Variants in FBXL7 observed in about 807,000 individuals in gnomAD.
FBXL7 encodes F-box/LRR-repeat protein 7.
Under a neutral mutation model 38.3 loss-of-function variants are expected in FBXL7, and 12 were observed. The observed-to-expected ratio is 0.31, with a 90% CI of 0.20 to 0.51. The LOEUF (loss-of-function observed/expected upper bound fraction) is 0.51. Ranked by LOEUF, FBXL7 falls within the 20% of genes least tolerant of loss-of-function variation. The pLI is 0.98. For missense variants in FBXL7, 567 were observed against 676.4 expected (o/e 0.84, Z 1.79); for synonymous variants, 297 against 300.9 (o/e 0.99, Z 0.13).
At chr5:15,744,070 G>C (rs1420425695) in intron 2 of FBXL7, among the ~76,000 whole-genome samples, 1 of 152,228 alleles carries the variant, frequency 6.6e-6, no homozygotes, top group Non-Finnish European at 1.5e-5. Context: ...GAAGGGAGGG[G>C]CTGCTGTGAA....
intron 2 of FBXL7, among the ~76,000 whole-genome samples, chr5:15,676,068 G>A (rs1298510135): frequency 6.6e-6 from 1 of 152,030 alleles, no homozygotes; most frequent in Non-Finnish European, 1.5e-5. Context: ...CCCGCTTCCT[G>A]GATCTCCTCT....
intron 1 of FBXL7, among the ~76,000 whole-genome samples, chr5:15,516,930 T>C (rs1736956921): frequency 6.6e-6 from 1 of 152,222 alleles, no homozygotes; most frequent in Non-Finnish European, 1.5e-5. Flanking sequence ...CTCTTTCCTT[T>C]ATAAATTACC....
At chr5:15,569,433 T>C (rs549392438) in intron 1 of FBXL7, among the ~76,000 whole-genome samples, 2 of 151,366 alleles carry the variant, frequency 1.3e-5, no homozygotes, top group African/African-American at 4.9e-5. Flanking sequence ...TTTTTGCACA[T>C]TGATTTTGTA....
chr5:15,694,523 GAA>G lies in FBXL7; in HGVS notation c.127+78453_127+78454del, dbSNP rs766667147. ...TGTACCTTATAAATAGATTTTACTA[GAA>G]AGTGTTTTAATCCTTTAACTAGACC... On this transcript the variant is annotated intron_variant, in intron 2 of 3. Coordinates refer to ENST00000504595, the MANE Select transcript of FBXL7 (RefSeq NM_012304.5). Among the ~76,000 whole-genome samples the G allele has an allele frequency of 5.3e-5, 8 of 152,146 alleles. No individual in the cohort carries two copies. In the East Asian group the frequency reaches 1.2e-3, roughly 22 times the overall value.
At chr5:15,591,118 GA>G (rs1345249522) in intron 1 of FBXL7, among the ~76,000 whole-genome samples, 1 of 152,028 alleles carries the variant, frequency 6.6e-6, no homozygotes, top group African/African-American at 2.4e-5. Flanking sequence ...AGCAGATTGT[GA>G]CAGTTTTTCA....
chr5:15,753,314 G>A (rs962950220), intron 2 of FBXL7, among the ~76,000 whole-genome samples: 1 of 152,134 alleles, frequency 6.6e-6, no homozygotes, highest in Non-Finnish European at 1.5e-5. Context: ...ATCCAAATTG[G>A]CTCAAGGACG....
At chr5:15,707,744 T>C (rs1743735136) in intron 2 of FBXL7, among the ~76,000 whole-genome samples, 1 of 152,202 alleles carries the variant, frequency 6.6e-6, no homozygotes, top group Admixed American at 6.5e-5. Flanking sequence ...ATTTTGGGCA[T>C]AACCTCCTGA....
chr5:15,816,398 C>G (rs993326447), intron 2 of FBXL7, among the ~76,000 whole-genome samples: 1 of 152,058 alleles, frequency 6.6e-6, no homozygotes, highest in Non-Finnish European at 1.5e-5. Context: ...AATGGAAAAC[C>G]AAATACCCTA....
rs536474618 is a variant in FBXL7 at position 15,550,756 on chromosome 5, GA to G, written c.37+50047del. 8.6e-4 allele frequency among the ~76,000 whole-genome samples: 131 copies of G among 152,332 alleles called. 1 individual carries two copies. The highest frequency in any genetic ancestry group is 2.6e-3 in the African/African-American group (109 of 41,580). On this transcript the variant is annotated intron_variant, in intron 1 of 3. Coordinates refer to ENST00000504595, the MANE Select transcript of FBXL7 (RefSeq NM_012304.5). ...CCCAAGTTCTCCCAAACTCTTGGCTGAAAATGCCTTGCTCATTCCGGGACTG... is the reference window on the plus strand; with the variant it reads ...CCCAAGTTCTCCCAAACTCTTGGCTGAAATGCCTTGCTCATTCCGGGACTG...
intron 1 of FBXL7, 140 bp downstream of exon 1, chr5:15,500,853 C>T (rs1736469466): frequency 3.9e-6 from 4 of 1,024,454 alleles, no homozygotes; most frequent in Admixed American, 4.8e-5. Context: ...CCACCTTCTC[C>T]TTTGGCAGTG....
chr5:15,725,474 C>T (rs867325386), intron 2 of FBXL7, among the ~76,000 whole-genome samples: 15 of 152,034 alleles, frequency 9.9e-5, no homozygotes, highest in Middle Eastern at 3.2e-3. Context: ...TTATTGATTT[C>T]TAAGTTCATC....
At chr5:15,741,022 T>C (rs558540799) in intron 2 of FBXL7, among the ~76,000 whole-genome samples, 5 of 152,294 alleles carry the variant, frequency 3.3e-5, no homozygotes, top group Admixed American at 3.3e-4. Flanking sequence ...AAGCATATTG[T>C]GGACTGAAAC....
At chr5:15,915,321 A>G (rs1214189999) in intron 2 of FBXL7, among the ~76,000 whole-genome samples, 1 of 152,196 alleles carries the variant, frequency 6.6e-6, no homozygotes, top group Non-Finnish European at 1.5e-5. Context: ...TAGAGGTTGG[A>G]ATTCCCAAAC....
At chr5:15,738,827 C>T (rs1735823080) in intron 2 of FBXL7, among the ~76,000 whole-genome samples, 1 of 152,044 alleles carries the variant, frequency 6.6e-6, no homozygotes, top group Admixed American at 6.5e-5. Context: ...GGAAAGAAGA[C>T]AACTAACAAT....
chr5:15,550,908 T>G (rs1738048056), intron 1 of FBXL7, among the ~76,000 whole-genome samples: 1 of 152,242 alleles, frequency 6.6e-6, no homozygotes. Flanking sequence ...TTGGAGCAGC[T>G]GAAACAGTTC....
intron 2 of FBXL7, among the ~76,000 whole-genome samples, chr5:15,807,059 C>G (rs771366869): frequency 2.0e-5 from 3 of 152,106 alleles, no homozygotes; most frequent in Non-Finnish European, 4.4e-5. Flanking sequence ...TCAAGCAATT[C>G]TCTTGCCTCA....
rs1489254722 is a variant in FBXL7, at chr5:15,818,729, TGTGTGTGTGTGTGTGAGA to T, written c.128-109159_128-109142del. ...GTGTGTGTGTGTGTGTGTGTGTGTG[TGTGTGTGTGTGTGTGAGA>T]GAGAGAGAGATTTAAAATTCCCATG... On this transcript the variant is annotated intron_variant, in intron 2 of 3. Coordinates refer to ENST00000504595, the MANE Select transcript of FBXL7 (RefSeq NM_012304.5). Among the ~76,000 whole-genome samples the T allele has an allele frequency of 8.9e-3, 821 of 92,016 alleles. 10 individuals are homozygous for T. Among genetic ancestry groups the T allele is most frequent in the African/African-American group, 0.028 (793 of 28,710 alleles). The allele number at this position is 92,016 out of a possible 152,430, so 60.4% of individuals were successfully genotyped here.
At chr5:15,935,143 G>A in intron 3 of FBXL7, 1 of 534,542 alleles carries the variant, frequency 1.9e-6, no homozygotes, top group South Asian at 1.4e-5. Flanking sequence ...CAGTGGCGTT[G>A]GAGGAATGAG....
intron 2 of FBXL7, among the ~76,000 whole-genome samples, chr5:15,886,936 C>G (rs1740701110): frequency 6.6e-6 from 1 of 152,132 alleles, no homozygotes; most frequent in Non-Finnish European, 1.5e-5. Context: ...TGAGCAAGTT[C>G]ATTGTGGCTC....
Sources: gnomAD v4.1 joint callset for allele counts (sites outside exome capture counted in the v4.1 genomes callset) on GRCh38, gnomAD v4.1.1 for gene constraint, MANE v1.5 for transcripts, NCBI Gene and HGNC (gene_info 2026-07-23, HGNC 2026-07-21) for gene names.